Variants in COP1 observed in about 807,000 individuals in gnomAD.
COP1 encodes E3 ubiquitin-protein ligase COP1.
Under a neutral mutation model 101.3 loss-of-function variants are expected in COP1, and 24 were observed. The ratio of observed to expected loss-of-function variants is 0.24; its 90% CI spans 0.17 to 0.33. The LOEUF (loss-of-function observed/expected upper bound fraction) is 0.33. Ranked by LOEUF, COP1 falls within the 10% of genes least tolerant of loss-of-function variation. The pLI, the probability that COP1 is intolerant of heterozygous loss-of-function variation, is 1.00. For synonymous variants in COP1, 347 were observed against 341.9 expected (o/e 1.01, Z -0.17); for missense variants, 663 against 906.2 (o/e 0.73, Z 3.45).
chr1:176,099,653 T>C (rs543134678), intron 9 of COP1, among the ~76,000 whole-genome samples: 16 of 152,286 alleles, frequency 1.1e-4, no homozygotes, highest in African/African-American at 3.8e-4. Context: ...TGGATGCAAC[T>C]GGAGAAATGT....
At chr1:176,190,878 G>A (rs1699047353) in intron 1 of COP1, among the ~76,000 whole-genome samples, 1 of 151,470 alleles carries the variant, frequency 6.6e-6, no homozygotes, top group African/African-American at 2.4e-5. Context: ...AGTAGTACTG[G>A]TTCCAACTAA....
chr1:175,955,166 G>C (rs1439874111), intron 18 of COP1, among the ~76,000 whole-genome samples: 1 of 152,104 alleles, frequency 6.6e-6, no homozygotes, highest in Non-Finnish European at 1.5e-5. Context: ...AGAATCACCT[G>C]AGCCTGGGAA....
intron 3 of COP1, chr1:176,168,732 C>A: frequency 2.9e-6 from 1 of 349,466 alleles, no homozygotes; most frequent in Non-Finnish European, 5.8e-6. Flanking sequence ...CAGAGAGGAG[C>A]AGACAGAGTA....
rs115058686 is a variant in COP1 at position 176,142,278 on chromosome 1, T to C, written c.832-5731A>G. On this transcript the variant is annotated intron_variant, in intron 6 of 19. Transcript: ENST00000367669. ...TCAAAATGGAATTCCGAAAAGAAAC[T>C]GTTCAAAAACCCATGGAAAGAAAAA... 6.1e-3 allele frequency among the ~76,000 whole-genome samples: 917 copies of C among 151,406 alleles called. 12 individuals are homozygous for C. The highest frequency in any genetic ancestry group is 0.021 in the African/African-American group (880 of 41,236).
chr1:175,989,546 G>A, intron 15 of COP1, 67 bp from the exon 16 acceptor site: 1 of 882,046 alleles, frequency 1.1e-6, no homozygotes, highest in South Asian at 1.4e-5. Context: ...AATTTTAACT[G>A]GTTTTTGGTT....
chr1:176,184,781 T>C, intron 1 of COP1, 89 bp from the exon 2 acceptor site: 3 of 867,608 alleles, frequency 3.5e-6, no homozygotes. Context: ...AATGAAATCA[T>C]ATTTCAATAT....
intron 5 of COP1, among the ~76,000 whole-genome samples, chr1:176,152,226 G>C (rs1171077593): frequency 1.3e-5 from 2 of 151,648 alleles, no homozygotes; most frequent in Admixed American, 6.6e-5. Context: ...CACCATTGCA[G>C]TCCAGTCTGG....
At chr1:176,052,784 GT>G (rs1672790837) in intron 11 of COP1, among the ~76,000 whole-genome samples, 1 of 151,924 alleles carries the variant, frequency 6.6e-6, no homozygotes, top group African/African-American at 2.4e-5. Context: ...CACGTATTTG[GT>G]TTTTTTCAAT....
chr1:176,038,817 C>A (rs1292584632), intron 14 of COP1, among the ~76,000 whole-genome samples: 2 of 133,724 alleles, frequency 1.5e-5, no homozygotes, highest in African/African-American at 5.5e-5. Context: ...GACTCCATCT[C>A]AAAAAAAAAA....
intron 11 of COP1, among the ~76,000 whole-genome samples, chr1:176,048,431 T>C (rs1398909447): frequency 3.9e-5 from 6 of 152,172 alleles, no homozygotes; most frequent in South Asian, 2.1e-4. Flanking sequence ...ACTATAGCAA[T>C]GCAGTAGATT....
At chr1:176,024,400 A>G (rs572936672) in intron 15 of COP1, among the ~76,000 whole-genome samples, 2 of 152,312 alleles carry the variant, frequency 1.3e-5, no homozygotes, top group East Asian at 3.9e-4. Context: ...ATCAACCTCA[A>G]CAGAGGCAAA....
At chr1:175,976,267 A>ATTATTT (rs1225101059) in intron 18 of COP1, among the ~76,000 whole-genome samples, 1 of 41,764 alleles carries the variant, frequency 2.4e-5, no homozygotes, top group Non-Finnish European at 6.1e-5. Context: ...TCAATTAGTC[A>ATTATTT]TTCTTTTTTT....
intron 8 of COP1, among the ~76,000 whole-genome samples, chr1:176,129,482 CTT>C (rs1688569283): frequency 6.6e-6 from 1 of 151,820 alleles, no homozygotes; most frequent in Non-Finnish European, 1.5e-5. Context: ...ACAGCAATCT[CTT>C]ATCAGTAAAA....
At chr1:176,104,341 C>G (rs1294971977) in intron 9 of COP1, among the ~76,000 whole-genome samples, 4 of 152,002 alleles carry the variant, frequency 2.6e-5, no homozygotes, top group South Asian at 2.1e-4. Flanking sequence ...ATAATTTTAA[C>G]TAAAAACTTT....
At chr1:176,172,562 T>G (rs1030115166) in intron 3 of COP1, among the ~76,000 whole-genome samples, 2 of 152,184 alleles carry the variant, frequency 1.3e-5, no homozygotes, top group Admixed American at 1.3e-4. Context: ...GGTGCAAGGA[T>G]GCCAAGAACA....
intron 11 of COP1, among the ~76,000 whole-genome samples, chr1:176,072,238 A>G (rs556200362): frequency 6.6e-6 from 1 of 152,360 alleles, no homozygotes; most frequent in South Asian, 2.1e-4. Context: ...TTCAACAAGC[A>G]AATATGTGGA....
At chr1:175,973,461 T>C (rs1653768984) in intron 18 of COP1, among the ~76,000 whole-genome samples, 1 of 152,194 alleles carries the variant, frequency 6.6e-6, no homozygotes, top group South Asian at 2.1e-4. Flanking sequence ...TCAGAAAATG[T>C]TGAATTTTAC....
At chr1:176,007,698 T>C (rs958211446) in intron 15 of COP1, among the ~76,000 whole-genome samples, 34 of 152,260 alleles carry the variant, frequency 2.2e-4, no homozygotes, top group East Asian at 9.7e-4. Flanking sequence ...GCAGTCTGCC[T>C]GTTCTCAGAT....
intron 11 of COP1, among the ~76,000 whole-genome samples, chr1:176,079,951 A>G (rs141417272): frequency 6.6e-6 from 1 of 152,080 alleles, no homozygotes; most frequent in Non-Finnish European, 1.5e-5. Context: ...TGAGCCTAGG[A>G]GTCTGAGGAT....
Sources: allele counts gnomAD v4.1 joint callset (sites outside exome capture counted in the v4.1 genomes callset), GRCh38; gene constraint gnomAD v4.1.1; transcripts MANE v1.5; gene names NCBI Gene and HGNC (gene_info 2026-07-23, HGNC 2026-07-21).